The following XKR6 variants were observed in gnomAD, a reference collection of about 807,000 sequenced individuals.
XKR6 encodes XK-related protein 6.
Under a neutral mutation model 56.7 loss-of-function variants are expected in XKR6, and 22 were observed. The ratio of observed to expected loss-of-function variants is 0.39; its 90% CI spans 0.28 to 0.55. XKR6 has a LOEUF of 0.55. XKR6 is among the 20% of genes least tolerant of loss of function. XKR6 has a pLI of 0.66. For missense variants in XKR6, 852 were observed against 889.0 expected (o/e 0.96, Z 0.53); for synonymous variants, 524 against 387.8 (o/e 1.35, Z -4.13).
At chr8:11,121,588 G>A (rs1799457439) in intron 1 of XKR6, among the ~76,000 whole-genome samples, 1 of 152,192 alleles carries the variant, frequency 6.6e-6, no homozygotes, top group South Asian at 2.1e-4. Flanking sequence ...CTGTTGGTGG[G>A]ACTGTAAACT....
chr8:11,118,314 T>C (rs1368687492), intron 1 of XKR6, among the ~76,000 whole-genome samples: 2 of 152,252 alleles, frequency 1.3e-5, no homozygotes, highest in African/African-American at 2.4e-5. Flanking sequence ...TGGATGATGC[T>C]GGCCTCATAA....
chr8:10,978,056 C>T (rs1226778308), intron 1 of XKR6, among the ~76,000 whole-genome samples: 1 of 152,094 alleles, frequency 6.6e-6, no homozygotes, highest in Non-Finnish European at 1.5e-5. Context: ...CTTCCCATTT[C>T]ATCAGCAGGA....
chr8:10,945,422 T>G (rs1421086157), intron 1 of XKR6, among the ~76,000 whole-genome samples: 1 of 152,058 alleles, frequency 6.6e-6, no homozygotes, highest in African/African-American at 2.4e-5. Context: ...AGGTGGAAGT[T>G]GGAATGAGCC....
chr8:10,997,094 G>A (rs1322974053), intron 1 of XKR6, among the ~76,000 whole-genome samples: 3 of 152,146 alleles, frequency 2.0e-5, no homozygotes, highest in Non-Finnish European at 2.9e-5. Context: ...TTTCCAACAA[G>A]GTCATTCAGT....
chr8:10,961,440 T>C (rs1445812697), intron 1 of XKR6, among the ~76,000 whole-genome samples: 2 of 152,140 alleles, frequency 1.3e-5, no homozygotes, highest in African/African-American at 4.8e-5. Flanking sequence ...AGAGGCTGGC[T>C]AGGGGCGGCT....
intron 1 of XKR6, among the ~76,000 whole-genome samples, chr8:11,029,623 G>C (rs1290683069): frequency 2.6e-5 from 4 of 152,116 alleles, no homozygotes. Flanking sequence ...ATCAGTGTCT[G>C]CTGTGTGAGC....
At chr8:11,092,598 G>A (rs751431279) in intron 1 of XKR6, among the ~76,000 whole-genome samples, 4 of 152,114 alleles carry the variant, frequency 2.6e-5, no homozygotes, top group South Asian at 2.1e-4. Flanking sequence ...TCTCACGTTC[G>A]TAGGGAGCTG....
At chr8:11,005,259 G>C (rs779126640) in intron 1 of XKR6, among the ~76,000 whole-genome samples, 1 of 152,048 alleles carries the variant, frequency 6.6e-6, no homozygotes, top group African/African-American at 2.4e-5. Flanking sequence ...CTCATATATT[G>C]TTTATTTTCA....
At chr8:10,996,919 T>G (rs528150271) in intron 1 of XKR6, among the ~76,000 whole-genome samples, 1 of 152,098 alleles carries the variant, frequency 6.6e-6, no homozygotes, top group East Asian at 1.9e-4. Flanking sequence ...CAGTGAGCTA[T>G]GATGGCTCCA....
intron 1 of XKR6, among the ~76,000 whole-genome samples, chr8:11,018,594 C>A (rs1040291943): frequency 1.3e-5 from 2 of 152,196 alleles, no homozygotes; most frequent in African/African-American, 4.8e-5. Flanking sequence ...CAGGTAATAC[C>A]AAGATTTTCC....
intron 1 of XKR6, among the ~76,000 whole-genome samples, chr8:10,953,314 G>T (rs1801784402): frequency 6.6e-6 from 1 of 152,064 alleles, no homozygotes; most frequent in African/African-American, 2.4e-5. Context: ...GAATTCTCTG[G>T]AGATCTGGTT....
chr8:10,971,995 C>T (rs773954992), intron 1 of XKR6, among the ~76,000 whole-genome samples: 3 of 152,212 alleles, frequency 2.0e-5, no homozygotes, highest in Non-Finnish European at 2.9e-5. Flanking sequence ...CCTCCACCTC[C>T]GATCAATCCC....
At chr8:10,900,836 G>C (rs1800015193) in intron 2 of XKR6, among the ~76,000 whole-genome samples, 1 of 148,622 alleles carries the variant, frequency 6.7e-6, no homozygotes, top group Admixed American at 6.8e-5. Flanking sequence ...GATTTCTGGA[G>C]GGCAGAGGAT....
intron 1 of XKR6, among the ~76,000 whole-genome samples, chr8:10,965,962 A>G (rs1164612037): frequency 6.6e-6 from 1 of 152,200 alleles, no homozygotes; most frequent in Non-Finnish European, 1.5e-5. Context: ...AGGGCATCAA[A>G]TTCACCTTCC....
intron 1 of XKR6, among the ~76,000 whole-genome samples, chr8:10,987,260 A>T (rs893630846): frequency 6.6e-6 from 1 of 152,208 alleles, no homozygotes; most frequent in African/African-American, 2.4e-5. Context: ...AGAGGCACTT[A>T]CAGTCCTGGA....
At chr8:10,970,247 G>C (rs983705573) in intron 1 of XKR6, among the ~76,000 whole-genome samples, 3 of 152,230 alleles carry the variant, frequency 2.0e-5, no homozygotes, top group Non-Finnish European at 4.4e-5. Context: ...TGCCATCCAA[G>C]AGGACAGGGT....
Position 11,055,345 on chromosome 8 carries a change from G to T in XKR6, c.765-130515C>A, listed in dbSNP as rs1187688268. On this transcript the variant is annotated intron_variant, in intron 1 of 2. Coordinates refer to ENST00000416569, the MANE Select transcript of XKR6 (RefSeq NM_173683.4). ...AGGCATCTGATCAGATATCAAGGGT[G>T]GGGGATTTTCACTAAAATCCTGACC... Among the ~76,000 whole-genome samples the T allele has an allele frequency of 3.3e-5, 5 of 152,224 alleles. No individual in the cohort carries two copies. The East Asian group carries it at 9.7e-4, about 29-fold the overall frequency.
At chr8:11,147,026 T>C (rs1801018360) in intron 1 of XKR6, among the ~76,000 whole-genome samples, 1 of 151,928 alleles carries the variant, frequency 6.6e-6, no homozygotes, top group African/African-American at 2.4e-5. Context: ...AAGCTAACAA[T>C]ACTGTGTGGT....
intron 1 of XKR6, among the ~76,000 whole-genome samples, chr8:10,938,352 C>A (rs199979031): frequency 1.3e-5 from 2 of 152,194 alleles, no homozygotes; most frequent in Non-Finnish European, 1.5e-5. Flanking sequence ...TGCAGAAATC[C>A]CCCGTCTTCT....
Sources: allele counts gnomAD v4.1 joint callset (sites outside exome capture counted in the v4.1 genomes callset), GRCh38; gene constraint gnomAD v4.1.1; transcripts MANE v1.5; gene names NCBI Gene and HGNC (gene_info 2026-07-23, HGNC 2026-07-21).